Variants in DPF3 observed in about 807,000 individuals in gnomAD.
The protein encoded by DPF3 is zinc finger protein DPF3.
A neutral mutation model predicts 56.8 loss-of-function variants in DPF3; 18 were observed. That is an observed-to-expected ratio of 0.32 (90% CI 0.22 to 0.47). DPF3 has a LOEUF of 0.47. DPF3 is among the 20% of genes least tolerant of loss of function. DPF3 has a pLI of 1.00. For missense variants in DPF3, 403 were observed against 488.8 expected (o/e 0.82, Z 1.65); for synonymous variants, 188 against 180.2 (o/e 1.04, Z -0.35).
intron 7 of DPF3, among the ~76,000 whole-genome samples, chr14:72,682,507 T>G (rs1887206234): frequency 6.6e-6 from 1 of 152,170 alleles, no homozygotes; most frequent in Non-Finnish European, 1.5e-5. Flanking sequence ...TTTTGTCTGT[T>G]TAAGTTGTCG....
rs548326018 is a variant in DPF3 at position 72,850,333 on chromosome 14, A to T, written c.32+43724T>A. On this transcript the variant is annotated intron_variant, in intron 1 of 10. Transcript: ENST00000556509. ...AACCCCCACCTCCCACCAACTCCCTATTCTTCGTCTCCTACAGGTTTACAT... is the reference window on the plus strand; with the variant it reads ...AACCCCCACCTCCCACCAACTCCCTTTTCTTCGTCTCCTACAGGTTTACAT... Among the ~76,000 whole-genome samples, 6 of 151,768 alleles carry T rather than the reference A, an allele frequency of 4.0e-5. No individual in the cohort carries two copies. In the East Asian group the frequency reaches 1.2e-3, roughly 29 times the overall value.
In DPF3 at chr14:72,609,608, A is replaced by G. The variant is rs11846274; in HGVS notation, c.*9689T>C. Among the ~76,000 whole-genome samples the G allele has an allele frequency of 0.043, 6,619 of 152,240 alleles. 498 individuals are homozygous for G. Among genetic ancestry groups the G allele is most frequent in the African/African-American group, 0.15 (6,212 of 41,502 alleles). On this transcript the variant is annotated 3_prime_UTR_variant, in exon 11 of 11. Transcript: ENST00000556509. ...GGAACCACGAAAGAGTGGGAACCTG[A>G]CACACGTGGGAAGGGCACATCCCCA...
chr14:72,720,850 C>G (rs898095112), intron 5 of DPF3, among the ~76,000 whole-genome samples: 1 of 152,010 alleles, frequency 6.6e-6, no homozygotes, highest in Non-Finnish European at 1.5e-5. Flanking sequence ...GTGAGCCACA[C>G]TCATCATTTT....
rs200831025 is a variant in DPF3, at chr14:72,670,661, C to CA, written c.871+3578dup. 1.8e-3 allele frequency: 1,749 copies of CA among 989,336 alleles called. 24 individuals are homozygous for CA. In the African/African-American group the frequency reaches 0.028, roughly 16 times the overall value. The allele number at this position is 989,336 out of a possible 1,614,324, so 61.3% of individuals were successfully genotyped here. Reference sequence around the variant, plus strand: ...TCTCTCTCTCTCTCTCTCTCTCTCGCAAAAAAAGTCTGATTCTAATAACAG... The same window carrying CA: ...TCTCTCTCTCTCTCTCTCTCTCTCGCAAAAAAAAGTCTGATTCTAATAACAG... On this transcript the variant is annotated intron_variant, in intron 8 of 10. Coordinates refer to ENST00000556509, the MANE Select transcript of DPF3 (RefSeq NM_001280542.3).
At chr14:72,621,118 G>T (rs1567178454) in intron 9 of DPF3, among the ~76,000 whole-genome samples, 1 of 149,524 alleles carries the variant, frequency 6.7e-6, no homozygotes, top group Non-Finnish European at 1.5e-5. Context: ...TCCAGCCTGG[G>T]CAACTGAGTG....
Position 72,693,824 on chromosome 14 carries a change from G to A in DPF3, c.605-611C>T, listed in dbSNP as rs559790695. Among the ~76,000 whole-genome samples the A allele has an allele frequency of 3.7e-4, 56 of 152,324 alleles. 1 individual carries two copies. Among genetic ancestry groups the A allele is most frequent in the Admixed American group, 1.2e-3 (19 of 15,306 alleles). On this transcript the variant is annotated intron_variant, in intron 6 of 10. Coordinates refer to ENST00000556509, the MANE Select transcript of DPF3 (RefSeq NM_001280542.3). ...ACCACCCCATGGTTGGCCTCTGCAAGAAGTAGAAAAGTTTTATCTGGATAA... is the reference window on the plus strand; with the variant it reads ...ACCACCCCATGGTTGGCCTCTGCAAAAAGTAGAAAAGTTTTATCTGGATAA...
At chr14:72,852,034 A>G (rs1404716632) in intron 1 of DPF3, among the ~76,000 whole-genome samples, 1 of 152,266 alleles carries the variant, frequency 6.6e-6, no homozygotes, top group East Asian at 1.9e-4. Flanking sequence ...CGCAGAAGCT[A>G]AGAGGTGCCG....
At chr14:72,892,636 G>T (rs1463212039) in intron 1 of DPF3, 4 of 1,131,538 alleles carry the variant, frequency 3.5e-6, no homozygotes, top group South Asian at 3.6e-5. Flanking sequence ...GTGGCCAGGG[G>T]TGAAGACGAG....
chr14:72,764,644 C>T (rs1159393791), intron 2 of DPF3, among the ~76,000 whole-genome samples: 1 of 151,756 alleles, frequency 6.6e-6, no homozygotes, highest in Admixed American at 6.6e-5. Flanking sequence ...GCCCACCACG[C>T]CCAGCTTATT....
intron 8 of DPF3, among the ~76,000 whole-genome samples, chr14:72,631,981 G>A (rs545913318): frequency 3.9e-5 from 6 of 152,326 alleles, no homozygotes; most frequent in African/African-American, 1.4e-4. Flanking sequence ...CATGGGTGGA[G>A]GCTTTGAGCA....
chr14:72,823,999 G>C lies in DPF3; in HGVS notation c.33-52106C>G, dbSNP rs143041122. On this transcript the variant is annotated intron_variant, in intron 1 of 10. Transcript: ENST00000556509. ...GGCTTTCTAGGAGAGGGGACCACATGAGCAAAGCCTGAAGAAGGGGTGGTT... is the reference window on the plus strand; with the variant it reads ...GGCTTTCTAGGAGAGGGGACCACATCAGCAAAGCCTGAAGAAGGGGTGGTT... 7.0e-3 allele frequency among the ~76,000 whole-genome samples: 1,064 copies of C among 152,284 alleles called. 8 individuals carry two copies. The highest frequency in any genetic ancestry group is 0.022 in the African/African-American group (931 of 41,550).
chr14:72,663,104 C>T (rs1351605314), intron 8 of DPF3, among the ~76,000 whole-genome samples: 1 of 135,032 alleles, frequency 7.4e-6, no homozygotes, highest in African/African-American at 2.8e-5. Flanking sequence ...GGGCCAGAGG[C>T]AGAGAGAACA....
chr14:72,833,687 C>T (rs1312027216), intron 1 of DPF3, among the ~76,000 whole-genome samples: 1 of 152,182 alleles, frequency 6.6e-6, no homozygotes, highest in African/African-American at 2.4e-5. Context: ...TCCATCTCCA[C>T]AGGCTGGTCA....
intron 7 of DPF3, among the ~76,000 whole-genome samples, chr14:72,690,722 C>T (rs11844112): frequency 1.3e-5 from 2 of 152,062 alleles, no homozygotes; most frequent in Non-Finnish European, 2.9e-5. Context: ...AGACAAGAAG[C>T]ATTCCAAACC....
chr14:72,646,139 A>G (rs1599325802), intron 8 of DPF3, among the ~76,000 whole-genome samples: 3 of 152,170 alleles, frequency 2.0e-5, no homozygotes, highest in Non-Finnish European at 4.4e-5. Context: ...CTTTTCCACC[A>G]AAAAAACTCT....
chr14:72,820,898 G>A (rs930860757), intron 1 of DPF3, among the ~76,000 whole-genome samples: 1 of 152,006 alleles, frequency 6.6e-6, no homozygotes, highest in African/African-American at 2.4e-5. Context: ...TTGGGAGGCT[G>A]AGGCAGGCAG....
chr14:72,782,377 C>A (rs1365565425), intron 1 of DPF3, among the ~76,000 whole-genome samples: 1 of 152,102 alleles, frequency 6.6e-6, no homozygotes, highest in African/African-American at 2.4e-5. Flanking sequence ...ACACACGCCA[C>A]CACACTTGGC....
intron 1 of DPF3, among the ~76,000 whole-genome samples, chr14:72,793,808 C>A (rs1328603349): frequency 6.6e-6 from 1 of 152,202 alleles, no homozygotes; most frequent in Non-Finnish European, 1.5e-5. Context: ...GATGTGGGAG[C>A]CTAATAACAA....
At chr14:72,837,902 T>C (rs1884365782) in intron 1 of DPF3, among the ~76,000 whole-genome samples, 1 of 151,956 alleles carries the variant, frequency 6.6e-6, no homozygotes, top group South Asian at 2.1e-4. Context: ...AAGAAAGGAG[T>C]TGGCCATGGA....
Sources: gnomAD v4.1 joint callset for allele counts (sites outside exome capture counted in the v4.1 genomes callset) on GRCh38, gnomAD v4.1.1 for gene constraint, MANE v1.5 for transcripts, NCBI Gene and HGNC (gene_info 2026-07-23, HGNC 2026-07-21) for gene names.